Variants in PAQR5 observed in about 807,000 individuals in gnomAD.
The protein encoded by PAQR5 is progestin and adipoQ receptor family member 5.
PAQR5 carries 20 observed loss-of-function variants against 34.5 expected under a neutral mutation model. The observed-to-expected ratio is 0.58, with a 90% confidence interval of 0.41 to 0.84. The LOEUF (loss-of-function observed/expected upper bound fraction) is 0.84. Among genes scored for constraint, PAQR5 ranks in the 40% least tolerant of loss-of-function variants. The pLI, the probability that PAQR5 is intolerant of heterozygous loss-of-function variation, is 0.00. For missense variants in PAQR5, 378 were observed against 412.7 expected (o/e 0.92, Z 0.73); for synonymous variants, 131 against 155.6 (o/e 0.84, Z 1.18).
Position 69,404,771 on chromosome 15 carries a change from A to G in PAQR5, c.*949A>G. 1 of 396,126 alleles carries G rather than the reference A, an allele frequency of 2.5e-6. No homozygotes were observed. The highest frequency in any genetic ancestry group is 4.4e-6 in the Non-Finnish European group (1 of 225,068). 24.5% of individuals were successfully genotyped at this position (396,126 alleles called of 1,614,324 possible). On this transcript the variant is annotated 3_prime_UTR_variant, in exon 9 of 9. Coordinates refer to ENST00000395407, the MANE Select transcript of PAQR5 (RefSeq NM_017705.4). ...CACCTTGCCAGTGGGGTGGTCACAT[A>G]TAGTGTTCTCAAGCTTTACTGTGAA...
intron 3 of PAQR5, among the ~76,000 whole-genome samples, chr15:69,378,025 G>A (rs928086782): frequency 1.3e-5 from 2 of 152,022 alleles, no homozygotes; most frequent in Admixed American, 6.6e-5. Flanking sequence ...CACTTTGGGA[G>A]CCCGAGGTGG....
chr15:69,370,545 G>A (rs1305522892), intron 3 of PAQR5, among the ~76,000 whole-genome samples: 5 of 152,086 alleles, frequency 3.3e-5, no homozygotes, highest in African/African-American at 9.7e-5. Flanking sequence ...TTGAGACAGA[G>A]TTTCGCTCTT....
rs1189522672 is a variant in PAQR5, at chr15:69,300,915, T to TTC, written c.-277+1883_-277+1884dup. Among the ~76,000 whole-genome samples the TTC allele has an allele frequency of 0.022, 241 of 10,992 alleles. 46 individuals are homozygous for TTC. In the South Asian group the frequency reaches 0.25, roughly 12 times the overall value. The allele number at this position is 10,992 out of a possible 152,430, so 7.2% of individuals were successfully genotyped here. On this transcript the variant is annotated intron_variant, in intron 1 of 8. Coordinates refer to ENST00000395407, the MANE Select transcript of PAQR5 (RefSeq NM_017705.4). ...TTTCTTCCTTCCTTCCTTCCTTCCT[T>TTC]TCTCTCTCTCTCTCTCTCTCTCTCT...
At chr15:69,335,491 C>G (rs552884530) in intron 1 of PAQR5, among the ~76,000 whole-genome samples, 1 of 150,962 alleles carries the variant, frequency 6.6e-6, no homozygotes, top group Non-Finnish European at 1.5e-5. Flanking sequence ...GTGATCTGCC[C>G]GCCTCGGCCT....
chr15:69,319,726 A>T (rs559058007), intron 1 of PAQR5, among the ~76,000 whole-genome samples: 5 of 152,234 alleles, frequency 3.3e-5, no homozygotes, highest in African/African-American at 1.2e-4. Flanking sequence ...TTTTTGGAGC[A>T]GGGAGCTCAG....
At chr15:69,352,500 G>A (rs1337789609) in intron 2 of PAQR5, among the ~76,000 whole-genome samples, 2 of 152,184 alleles carry the variant, frequency 1.3e-5, no homozygotes, top group African/African-American at 4.8e-5. Context: ...CTGCTACTCT[G>A]CCTTCTCTCT....
intron 1 of PAQR5, among the ~76,000 whole-genome samples, chr15:69,323,913 G>A (rs1416151704): frequency 6.6e-6 from 1 of 151,966 alleles, no homozygotes; most frequent in African/African-American, 2.4e-5. Flanking sequence ...TCATGACACC[G>A]TTACCTGTCA....
chr15:69,342,327 G>C (rs4360868), intron 2 of PAQR5, among the ~76,000 whole-genome samples: 122,439 of 151,244 alleles, frequency 0.81, 52,321 homozygotes, highest in Non-Finnish European at 0.96. Flanking sequence ...TATATTGGTT[G>C]TTTGTATATT....
At chr15:69,310,413 C>G (rs539926239) in intron 1 of PAQR5, among the ~76,000 whole-genome samples, 2 of 152,252 alleles carry the variant, frequency 1.3e-5, no homozygotes, top group East Asian at 3.9e-4. Flanking sequence ...GAGAGTGTTA[C>G]CAAACACACC....
Position 69,360,037 on chromosome 15 carries a change from A to C in PAQR5, c.-44A>C, listed in dbSNP as rs752201678. The C allele has an allele frequency of 6.5e-7, 1 of 1,540,948 alleles. No individual in the cohort carries two copies. Among genetic ancestry groups the C allele is most frequent in the Non-Finnish European group, 9.0e-7 (1 of 1,114,236 alleles). ...AGAGCTTTGAGTGAGGCCTGGTAACAGGGAGGCGCTGTCACCTACTGGCCT... is the reference window on the plus strand; with the variant it reads ...AGAGCTTTGAGTGAGGCCTGGTAACCGGGAGGCGCTGTCACCTACTGGCCT... On this transcript the variant is annotated 5_prime_UTR_variant, in exon 3 of 9. Coordinates refer to ENST00000395407, the MANE Select transcript of PAQR5 (RefSeq NM_017705.4).
intron 6 of PAQR5, chr15:69,396,916 GTTTA>G (rs927601195): frequency 1.3e-5 from 4 of 316,404 alleles, no homozygotes; most frequent in Admixed American, 4.5e-5. Context: ...AAGACTTCAC[GTTTA>G]TTTAGTTTTC....
Position 69,384,879 on chromosome 15 carries a change from C to A in PAQR5, c.382C>A (p.Leu128Met). 2 of 1,613,106 alleles carry A rather than the reference C, an allele frequency of 1.2e-6. No homozygotes were observed. The highest frequency in any genetic ancestry group is 1.7e-6 in the Non-Finnish European group (2 of 1,179,456). Residue 128 changes from leucine (L) to methionine (M), a missense_variant, in exon 5 of 9, where the codon CTG (leucine) becomes ATG (methionine). Transcript: ENST00000395407. Reference protein sequence around the residue: ...LDYGAVNLFSLGSAIAYSAYT... With the variant: ...LDYGAVNLFSMGSAIAYSAYT... ...CTATGGTGCCGTCAACCTCTTCAGCCTGGGTATGTGAGGCCTTGTTCTTGC... is the reference window on the plus strand; with the variant it reads ...CTATGGTGCCGTCAACCTCTTCAGCATGGGTATGTGAGGCCTTGTTCTTGC...
At chr15:69,368,564 T>C (rs1237709942) in intron 3 of PAQR5, among the ~76,000 whole-genome samples, 1 of 152,232 alleles carries the variant, frequency 6.6e-6, no homozygotes. Context: ...AAACCATTTA[T>C]ATCTTCTCCT....
chr15:69,310,963 C>T (rs529016179), intron 1 of PAQR5, among the ~76,000 whole-genome samples: 11 of 135,810 alleles, frequency 8.1e-5, no homozygotes, highest in Middle Eastern at 4.2e-3. Flanking sequence ...GGTGTGAACC[C>T]GGGAGGCGGA....
intron 6 of PAQR5, among the ~76,000 whole-genome samples, chr15:69,393,712 G>C (rs1449821144): frequency 6.6e-6 from 1 of 152,166 alleles, no homozygotes; most frequent in Non-Finnish European, 1.5e-5. Flanking sequence ...AGGAACCTCA[G>C]TATTTGCTTG....
intron 1 of PAQR5, among the ~76,000 whole-genome samples, chr15:69,332,844 A>G (rs2054418351): frequency 1.3e-5 from 2 of 149,748 alleles, no homozygotes; most frequent in African/African-American, 2.4e-5. Context: ...GAATGTGTCC[A>G]TGGTTAAGTT....
chr15:69,365,787 G>T (rs2140870625), intron 3 of PAQR5, among the ~76,000 whole-genome samples: 1 of 152,292 alleles, frequency 6.6e-6, no homozygotes, highest in East Asian at 1.9e-4. Flanking sequence ...GGTAGAATTT[G>T]TCTGTGAAAT....
chr15:69,391,034 G>C (rs528001302), intron 6 of PAQR5, among the ~76,000 whole-genome samples: 6 of 152,210 alleles, frequency 3.9e-5, no homozygotes, highest in African/African-American at 1.4e-4. Flanking sequence ...GGTACTTTTG[G>C]GCTGGGGGCC....
intron 2 of PAQR5, among the ~76,000 whole-genome samples, chr15:69,341,357 T>TTTTCC (rs1354933110): frequency 4.1e-5 from 6 of 146,378 alleles, no homozygotes; most frequent in African/African-American, 1.5e-4. Context: ...CTATTCCTTT[T>TTTTCC]TTTTTTTTTT....
Sources: allele counts gnomAD v4.1 joint callset (sites outside exome capture counted in the v4.1 genomes callset), GRCh38; gene constraint gnomAD v4.1.1; transcripts MANE v1.5; gene names NCBI Gene and HGNC (gene_info 2026-07-23, HGNC 2026-07-21).